Variants in ANKRD11 observed in about 807,000 individuals in gnomAD.
The protein encoded by ANKRD11 is ankyrin repeat domain 11, also known as ankyrin repeat domain-containing protein 11.
In ANKRD11, 17 loss-of-function variants were observed where a neutral mutation model predicts 195.7. That is an observed-to-expected ratio of 0.09 (90% CI 0.06 to 0.13). The LOEUF (loss-of-function observed/expected upper bound fraction) is 0.13, where lower values mean the gene tolerates loss of function less well. Ranked by LOEUF, ANKRD11 falls within the 10% of genes least tolerant of loss-of-function variation. The pLI is 1.00. For synonymous variants in ANKRD11, 1,953 were observed against 1,528.1 expected, an observed-to-expected ratio of 1.28 and a Z score of -6.49; for missense variants, 3,735 against 3,566.1, an observed-to-expected ratio of 1.05 and a Z score of -1.21.
chr16:89,462,797 C>G (rs1187823503), intron 1 of ANKRD11, among the ~76,000 whole-genome samples: 1 of 151,268 alleles, frequency 6.6e-6, no homozygotes, highest in Non-Finnish European at 1.5e-5. Flanking sequence ...GCCCGGCAAC[C>G]ACCCCGTCTG....
At chr16:89,418,984 A>C (rs1172133340) in intron 1 of ANKRD11, among the ~76,000 whole-genome samples, 1 of 152,002 alleles carries the variant, frequency 6.6e-6, no homozygotes, top group Non-Finnish European at 1.5e-5. Context: ...GGCCTTCCAA[A>C]GTGTTAGGAT....
chr16:89,291,343 A>G lies in ANKRD11; in HGVS notation c.227-160T>C, dbSNP rs2151799150. Among the ~76,000 whole-genome samples, 2 of 152,236 alleles carry G rather than the reference A, an allele frequency of 1.3e-5. No homozygotes were observed. Among genetic ancestry groups the G allele is most frequent in the East Asian group, 3.9e-4 (2 of 5,174 alleles). On this transcript the variant is annotated intron_variant, in intron 4 of 12. Coordinates refer to ENST00000301030, the MANE Select transcript of ANKRD11 (RefSeq NM_013275.6). The surrounding 1 kb of genome is among the most constrained non-coding windows in gnomAD (Gnocchi z 5.3). ...ATGGGGAAAGCACAGCGGTGCTGGG[A>G]GCATTGGTGCCGCCCACCTCACCTC...
At chr16:89,326,855 C>T (rs2037753903) in intron 2 of ANKRD11, among the ~76,000 whole-genome samples, 2 of 152,186 alleles carry the variant, frequency 1.3e-5, no homozygotes, top group South Asian at 2.1e-4. Context: ...AAAGCCTGCC[C>T]GCCAGGGGCT....
chr16:89,291,706 C>T lies in ANKRD11; in HGVS notation c.227-523G>A. The T allele has an allele frequency of 6.2e-6, 8 of 1,289,834 alleles. No homozygotes were observed. The highest frequency in any genetic ancestry group is 8.1e-6 in the Non-Finnish European group (8 of 988,906). The allele number at this position is 1,289,834 out of a possible 1,614,324, so 79.9% of individuals were successfully genotyped here. Reference sequence around the variant, plus strand: ...CTTTCTTCTTGCTTCTAGGAACCTCCATCTCATGCCATGGTGCTTCGAGGA... The same window carrying T: ...CTTTCTTCTTGCTTCTAGGAACCTCTATCTCATGCCATGGTGCTTCGAGGA... On this transcript the variant is annotated intron_variant, in intron 4 of 12. Transcript: ENST00000301030. The surrounding 1 kb of genome is among the most constrained non-coding windows in gnomAD (Gnocchi z 5.3).
chr16:89,363,870 T>A (rs543890640), intron 2 of ANKRD11, among the ~76,000 whole-genome samples: 38 of 151,942 alleles, frequency 2.5e-4, no homozygotes, highest in African/African-American at 9.2e-4. Flanking sequence ...AGCCTGGCCA[T>A]CGTGGCAAAA....
At chr16:89,384,570 TGGGAC>T (rs1213921883) in intron 2 of ANKRD11, among the ~76,000 whole-genome samples, 1 of 150,298 alleles carries the variant, frequency 6.7e-6, no homozygotes, top group Non-Finnish European at 1.5e-5. Flanking sequence ...TGGGACAGGA[TGGGAC>T]GGGACGGGAT....
Position 89,290,837 on chromosome 16 carries a change from C to G in ANKRD11, c.398-9G>C. The G allele has an allele frequency of 6.2e-7, 1 of 1,613,298 alleles. No individual in the cohort carries two copies. The highest frequency in any genetic ancestry group is 2.2e-5 in the East Asian group (1 of 44,876). On this transcript the variant is annotated splice_polypyrimidine_tract_variant and intron_variant, in intron 5 of 12. Coordinates refer to ENST00000301030, the MANE Select transcript of ANKRD11 (RefSeq NM_013275.6). ...CTTTGGTGTTGTGTCCACTGCAGGC[C>G]AAGGAGGGGACAGATGGGCATTACT...
At chr16:89,481,383 C>T (rs2057439502) in intron 1 of ANKRD11, among the ~76,000 whole-genome samples, 1 of 152,132 alleles carries the variant, frequency 6.6e-6, no homozygotes, top group African/African-American at 2.4e-5. Context: ...GCCTAAGAAA[C>T]ATAGCGAAAC....
At chr16:89,337,569 TG>T (rs1335192086) in intron 2 of ANKRD11, among the ~76,000 whole-genome samples, 1 of 149,844 alleles carries the variant, frequency 6.7e-6, no homozygotes, top group Non-Finnish European at 1.5e-5. Flanking sequence ...CCCGAGTAGC[TG>T]GGACTACAGG....
intron 2 of ANKRD11, among the ~76,000 whole-genome samples, chr16:89,384,022 C>T (rs2040781556): frequency 2.6e-5 from 4 of 152,128 alleles, no homozygotes; most frequent in South Asian, 2.1e-4. Flanking sequence ...CAGTTCAAGA[C>T]CAGCCTGGCC....
At chr16:89,424,220 T>C (rs1435300510) in intron 1 of ANKRD11, among the ~76,000 whole-genome samples, 1 of 152,108 alleles carries the variant, frequency 6.6e-6, no homozygotes, top group African/African-American at 2.4e-5. Context: ...GTCAGGCAGA[T>C]CACCTGAGGT....
intron 2 of ANKRD11, among the ~76,000 whole-genome samples, chr16:89,346,250 GAAAAAAAAA>G (rs35573539): frequency 1.0e-5 from 1 of 96,880 alleles, no homozygotes; most frequent in Non-Finnish European, 1.9e-5. Context: ...CCCGTCTCAG[GAAAAAAAAA>G]AAAAAAAAAA....
At chr16:89,328,966 G>C (rs1428067929) in intron 2 of ANKRD11, 1 of 139,576 alleles carries the variant, frequency 7.2e-6, no homozygotes, top group Non-Finnish European at 1.5e-5. Context: ...CGAAATCAGT[G>C]GAGGCCCCTG....
rs869271846 is a variant in ANKRD11, at chr16:89,384,879, C to CTTTTTTTTTT, written c.-60+33395_-60+33404dup. ...GGAGCACACAATGAGAAATAGTTTT[C>CTTTTTTTTTT]TTTTTTTTTTTTTTTTTTTTTTTTT... On this transcript the variant is annotated intron_variant, in intron 2 of 12. Transcript: ENST00000301030. Among the ~76,000 whole-genome samples the CTTTTTTTTTT allele has an allele frequency of 2.8e-3, 142 of 49,940 alleles. 20 individuals are homozygous for CTTTTTTTTTT. The highest frequency in any genetic ancestry group is 6.3e-3 in the African/African-American group (80 of 12,622). The allele number at this position is 49,940 out of a possible 152,430, so 32.8% of individuals were successfully genotyped here.
At chr16:89,457,993 G>A (rs2056510427) in intron 1 of ANKRD11, among the ~76,000 whole-genome samples, 1 of 152,030 alleles carries the variant, frequency 6.6e-6, no homozygotes, top group Admixed American at 6.6e-5. Flanking sequence ...GTTCTGGCCA[G>A]AGCCCTGGAG....
At chr16:89,386,614 G>A (rs2040923375) in intron 2 of ANKRD11, among the ~76,000 whole-genome samples, 1 of 152,196 alleles carries the variant, frequency 6.6e-6, no homozygotes, top group Non-Finnish European at 1.5e-5. Context: ...CACCCTACAG[G>A]ACACGAGTCA....
intron 2 of ANKRD11, among the ~76,000 whole-genome samples, chr16:89,368,405 T>G (rs2040047696): frequency 3.9e-5 from 4 of 102,620 alleles, no homozygotes; most frequent in South Asian, 3.3e-4. Context: ...TTTTTTTTAG[T>G]AGAGATGGGG....
At chr16:89,347,115 G>A (rs1386910489) in intron 2 of ANKRD11, among the ~76,000 whole-genome samples, 1 of 152,184 alleles carries the variant, frequency 6.6e-6, no homozygotes, top group Non-Finnish European at 1.5e-5. Context: ...CCGTGGAGGT[G>A]TCTCTCGTTG....
At chr16:89,337,429 CTTTTTTTTTTTTTTT>C (rs1165680827) in intron 2 of ANKRD11, among the ~76,000 whole-genome samples, 1 of 53,118 alleles carries the variant, frequency 1.9e-5, no homozygotes, top group Non-Finnish European at 3.2e-5. Flanking sequence ...CTAAGCAATT[CTTTTTTTTTTTTTTT>C]TTTTTTTTTT....
Sources: gnomAD v4.1 joint callset for allele counts (sites outside exome capture counted in the v4.1 genomes callset) on GRCh38, gnomAD v4.1.1 for gene constraint, Gnocchi (gnomAD v3.1) non-coding constraint, MANE v1.5 for transcripts, NCBI Gene and HGNC (gene_info 2026-07-23, HGNC 2026-07-21) for gene names.